IFT52: variants seen among roughly 807,000 people sequenced by gnomAD.
IFT52 encodes the protein intraflagellar transport 52.
Under a neutral mutation model 54.4 loss-of-function variants are expected in IFT52, and 44 were observed. The observed-to-expected ratio is 0.81, with a 90% CI of 0.63 to 1.04. The LOEUF is 1.04. Among genes scored for constraint, IFT52 ranks in the 50% least tolerant of loss-of-function variants. The pLI is 0.00. For synonymous variants in IFT52, 181 were observed against 185.3 expected (o/e 0.98, Z 0.19); for missense variants, 452 against 523.6 (o/e 0.86, Z 1.33).
rs377155039 is a variant in IFT52, at chr20:43,619,167, GAGTCAGGCAT to G, written c.699+146_699+155del. 212 of 636,582 alleles carry G rather than the reference GAGTCAGGCAT, an allele frequency of 3.3e-4. 3 individuals carry two copies. In the South Asian group the frequency reaches 4.1e-3, roughly 12 times the overall value. The allele number at this position is 636,582 out of a possible 1,614,324, so 39.4% of individuals were successfully genotyped here. Reference sequence around the variant, plus strand: ...TGCCAGGCACTGAGAATACAAAGTCGAGTCAGGCATAGTCCCAGTCCCTGCTTTGGAAAAG... The same window carrying G: ...TGCCAGGCACTGAGAATACAAAGTCGAGTCCCAGTCCCTGCTTTGGAAAAG... On this transcript the variant is annotated intron_variant, in intron 8 of 13. Coordinates refer to ENST00000373030, the MANE Select transcript of IFT52 (RefSeq NM_016004.5).
In IFT52 at chr20:43,620,787, C is replaced by A. The variant is rs1490056151; in HGVS notation, c.700-70C>A. 6 of 1,077,124 alleles carry A rather than the reference C, an allele frequency of 5.6e-6. No homozygotes were observed. In the East Asian group the frequency reaches 1.2e-4, roughly 22 times the overall value. The allele number at this position is 1,077,124 out of a possible 1,614,324, so 66.7% of individuals were successfully genotyped here. On this transcript the variant is annotated intron_variant, in intron 8 of 13. Transcript: ENST00000373030. ...CTTTATCATTCTTCTTGATTTAATT[C>A]TCTAGTCCTGACCTTCAGCTTTTTC...
intron 6 of IFT52, among the ~76,000 whole-genome samples, chr20:43,611,506 C>T (rs977018453): frequency 1.6e-5 from 2 of 124,422 alleles, no homozygotes; most frequent in Non-Finnish European, 3.1e-5. Context: ...TGCAATGGCA[C>T]CATCTCATCT....
At position 43,638,934 on chromosome 20, in the gene IFT52, A is replaced by T. The variant is rs114339259; in HGVS notation, c.1120+1681A>T. Among the ~76,000 whole-genome samples the T allele has an allele frequency of 8.5e-3, 1,287 of 152,306 alleles. 19 individuals are homozygous for T. Among genetic ancestry groups the T allele is most frequent in the African/African-American group, 0.029 (1,186 of 41,556 alleles). ...TGGAAACAGTTCAGTGTAAACGAAG[A>T]CCTTTACTGCATCTCTCTTCTGTGG... On this transcript the variant is annotated intron_variant, in intron 12 of 13. Coordinates refer to ENST00000373030, the MANE Select transcript of IFT52 (RefSeq NM_016004.5).
chr20:43,632,942 A>G (rs1319990976), intron 10 of IFT52, among the ~76,000 whole-genome samples: 1 of 152,260 alleles, frequency 6.6e-6, no homozygotes, highest in African/African-American at 2.4e-5. Flanking sequence ...GTAATAATGT[A>G]TGATACGGTA....
chr20:43,626,702 A>C (rs1358843187), intron 10 of IFT52, among the ~76,000 whole-genome samples: 1 of 151,926 alleles, frequency 6.6e-6, no homozygotes, highest in Non-Finnish European at 1.5e-5. Context: ...ACCATAAATT[A>C]TGATGCATCT....
chr20:43,638,539 G>A (rs1344209224), intron 12 of IFT52, among the ~76,000 whole-genome samples: 1 of 152,098 alleles, frequency 6.6e-6, no homozygotes, highest in Non-Finnish European at 1.5e-5. Flanking sequence ...GGGAGGCTGA[G>A]GTAGGAGGAT....
intron 4 of IFT52, 42 bp downstream of exon 4, chr20:43,603,931 A>G (rs1319055110): frequency 7.4e-7 from 1 of 1,342,712 alleles, no homozygotes; most frequent in East Asian, 2.3e-5. Flanking sequence ...GTACTTTTCT[A>G]TCTATTATTT....
At chr20:43,629,250 G>C (rs1394010111) in intron 10 of IFT52, among the ~76,000 whole-genome samples, 1 of 152,114 alleles carries the variant, frequency 6.6e-6, no homozygotes, top group Non-Finnish European at 1.5e-5. Context: ...CAAAAGCTCT[G>C]TTGTACGTTT....
intron 10 of IFT52, among the ~76,000 whole-genome samples, chr20:43,626,537 C>T (rs916946480): frequency 1.2e-4 from 18 of 152,068 alleles, no homozygotes; most frequent in South Asian, 2.1e-4. Flanking sequence ...TGAGCCACAG[C>T]ACCTGGACCT....
At chr20:43,595,396 A>G (rs1164167686) in intron 2 of IFT52, among the ~76,000 whole-genome samples, 3 of 151,482 alleles carry the variant, frequency 2.0e-5, no homozygotes, top group Non-Finnish European at 4.4e-5. Context: ...TAAAAATACA[A>G]AAATCAGCTG....
At chr20:43,631,139 C>G (rs553581593) in intron 10 of IFT52, among the ~76,000 whole-genome samples, 1 of 152,296 alleles carries the variant, frequency 6.6e-6, no homozygotes, top group Admixed American at 6.5e-5. Flanking sequence ...GAGTTCTGAT[C>G]TTGCCTTTGT....
At chr20:43,624,846 C>T (rs1025788216) in intron 10 of IFT52, among the ~76,000 whole-genome samples, 8 of 152,110 alleles carry the variant, frequency 5.3e-5, no homozygotes, top group Non-Finnish European at 1.0e-4. Context: ...CTTTCTCACC[C>T]CCGTGTATCC....
rs185383168 is a variant in IFT52 at position 43,642,585 on chromosome 20, C to T, written c.1227C>T (p.His409=). Residue 409 remains histidine (H), a synonymous_variant, in exon 13 of 14, where the codon CAC becomes CAT. Transcript: ENST00000373030. ...DQQDAKHILE[H]VFFQVVEFKK... ...AGGATGCCAAACATATCCTTGAGCA[C>T]GTCTTCTTCCAAGTGGTGGAGTTCA... The T allele has an allele frequency of 3.9e-5, 63 of 1,614,116 alleles. No homozygotes were observed. In the South Asian group the frequency reaches 4.5e-4, roughly 12 times the overall value.
intron 2 of IFT52, among the ~76,000 whole-genome samples, chr20:43,595,546 TA>T (rs1360592452): frequency 6.6e-6 from 1 of 150,840 alleles, no homozygotes; most frequent in African/African-American, 2.4e-5. Context: ...AGACTCTGTC[TA>T]AAAAAATAAA....
At chr20:43,606,889 G>A (rs978631407) in intron 6 of IFT52, among the ~76,000 whole-genome samples, 1 of 152,198 alleles carries the variant, frequency 6.6e-6, no homozygotes, top group Admixed American at 6.5e-5. Context: ...GTTTCAGAGA[G>A]CACAGGGTTG....
rs796599158 is a variant in IFT52 at position 43,627,914 on chromosome 20, G to A, written c.923+3869G>A. On this transcript the variant is annotated intron_variant, in intron 10 of 13. Coordinates refer to ENST00000373030, the MANE Select transcript of IFT52 (RefSeq NM_016004.5). ...TATGTCATATATATATAGAGAGAGAGAGAGAGAGTTTTTTTTTTTTTTTTT... is the reference window on the plus strand; with the variant it reads ...TATGTCATATATATATAGAGAGAGAAAGAGAGAGTTTTTTTTTTTTTTTTT... 4.2e-3 allele frequency among the ~76,000 whole-genome samples: 471 copies of A among 111,884 alleles called. 4 individuals carry two copies. The highest frequency in any genetic ancestry group is 0.016 in the African/African-American group (447 of 27,200). 73.4% of individuals were successfully genotyped at this position (111,884 alleles called of 152,430 possible).
At position 43,642,637 on chromosome 20, in the gene IFT52, C is replaced by T; in HGVS notation, c.1266+13C>T. 2 of 1,613,142 alleles carry T rather than the reference C, an allele frequency of 1.2e-6. No homozygotes were observed. The highest frequency in any genetic ancestry group is 8.5e-7 in the Non-Finnish European group (1 of 1,179,426). ...GAAATTGAACCAGGTACAGAGCCTA[C>T]AAGGCACAGTGTAGTGGGAGCCCCT... On this transcript the variant is annotated intron_variant, in intron 13 of 13. Transcript: ENST00000373030.
intron 6 of IFT52, among the ~76,000 whole-genome samples, chr20:43,610,776 A>G (rs1983381644): frequency 6.6e-6 from 1 of 152,072 alleles, no homozygotes; most frequent in South Asian, 2.1e-4. Context: ...CAATCTAATT[A>G]TTTCACTTTG....
In IFT52 at chr20:43,596,509, T is replaced by A; in HGVS notation, c.194T>A (p.Phe65Tyr). ...ATTACAGCTGGGCCAAGGGAAAAATTTACTGCAGCTGAGGTAAGAAATATC... is the reference window on the plus strand; with the variant it reads ...ATTACAGCTGGGCCAAGGGAAAAATATACTGCAGCTGAGGTAAGAAATATC... ...LWITAGPREKFTAAEFEILKK... is the reference protein window; with the variant it reads ...LWITAGPREKYTAAEFEILKK... The change falls in exon 3 of 14, where the codon TTT becomes TAT. Residue 65 changes from phenylalanine to tyrosine, a missense_variant. Phe to Tyr is a conservative substitution (Grantham distance 22). Coordinates refer to ENST00000373030, the MANE Select transcript of IFT52 (RefSeq NM_016004.5). 1 of 1,596,992 alleles carries A rather than the reference T, an allele frequency of 6.3e-7. No homozygotes were observed. The highest frequency in any genetic ancestry group is 8.6e-7 in the Non-Finnish European group (1 of 1,165,210).
Sources: allele counts gnomAD v4.1 joint callset (sites outside exome capture counted in the v4.1 genomes callset), GRCh38; gene constraint gnomAD v4.1.1; transcripts MANE v1.5; gene names NCBI Gene and HGNC (gene_info 2026-07-23, HGNC 2026-07-21).